Variants in GNB4 observed in about 807,000 individuals in gnomAD.
GNB4 encodes G protein subunit beta 4, also known as guanine nucleotide-binding protein subunit beta-4.
GNB4 carries 28 observed loss-of-function variants against 45.2 expected under a neutral mutation model. The observed-to-expected ratio is 0.62, with a 90% confidence interval of 0.46 to 0.85. GNB4 has a LOEUF of 0.85. Among genes scored for constraint, GNB4 ranks in the 40% least tolerant of loss-of-function variants. GNB4 has a pLI of 0.00. For synonymous variants in GNB4, 132 were observed against 143.7 expected (o/e 0.92, Z 0.58); for missense variants, 321 against 425.4 (o/e 0.75, Z 2.16).
chr3:179,423,817 G>C (rs930720806), intron 2 of GNB4, among the ~76,000 whole-genome samples: 2 of 151,892 alleles, frequency 1.3e-5, no homozygotes, highest in Non-Finnish European at 2.9e-5. Context: ...TCCAAGTGGA[G>C]GGCTCTTGGA....
the GNB4 span, among the ~76,000 whole-genome samples, chr3:179,466,952 AAGG>A: frequency 1.3e-5 from 2 of 152,228 alleles, no homozygotes; most frequent in African/African-American, 4.8e-5. Flanking sequence ...CTGAAATGTT[AAGG>A]GTGGATTTTT....
chr3:179,521,996 C>A, the GNB4 span, among the ~76,000 whole-genome samples: 1 of 152,128 alleles, frequency 6.6e-6, no homozygotes, highest in African/African-American at 2.4e-5. Context: ...CATTCTCTCT[C>A]CATACCACCC....
At chr3:179,498,774 T>TGAC in the GNB4 span, among the ~76,000 whole-genome samples, 1 of 121,086 alleles carries the variant, frequency 8.3e-6, no homozygotes, top group African/African-American at 4.1e-5. Flanking sequence ...TTTTGCCTCT[T>TGAC]TCTTTATTAT....
chr3:179,511,288 A>G, the GNB4 span, among the ~76,000 whole-genome samples: 1 of 152,174 alleles, frequency 6.6e-6, no homozygotes, highest in Non-Finnish European at 1.5e-5. Flanking sequence ...TCTCACTATA[A>G]GGGCACCATG....
At chr3:179,430,620 ATTT>A (rs34316813) in intron 1 of GNB4, among the ~76,000 whole-genome samples, 2 of 135,778 alleles carry the variant, frequency 1.5e-5, no homozygotes, top group Non-Finnish European at 1.6e-5. Flanking sequence ...TGCCTGGCTA[ATTT>A]TTTTTTTTTT....
At chr3:179,433,740 G>C (rs1186185830) in intron 1 of GNB4, among the ~76,000 whole-genome samples, 2 of 149,554 alleles carry the variant, frequency 1.3e-5, no homozygotes, top group East Asian at 1.9e-4. Context: ...AGAAAAGATA[G>C]TTGTAAGCTA....
the GNB4 span, among the ~76,000 whole-genome samples, chr3:179,456,944 A>T: frequency 6.6e-6 from 1 of 152,192 alleles, no homozygotes; most frequent in Non-Finnish European, 1.5e-5. Context: ...TAGTTTTCTG[A>T]TGGAAACGAT....
At chr3:179,467,210 A>G in the GNB4 span, among the ~76,000 whole-genome samples, 1 of 152,038 alleles carries the variant, frequency 6.6e-6, no homozygotes, top group Non-Finnish European at 1.5e-5. Context: ...AGATGGGCTC[A>G]CTATGTTGCC....
At chr3:179,453,861 A>G (rs1302792522), upstream of GNB4, among the ~76,000 whole-genome samples, 1 of 152,094 alleles carries the variant, frequency 6.6e-6, no homozygotes, top group Non-Finnish European at 1.5e-5. Context: ...AAAAAAAAAA[A>G]AAACTTACTT....
intron 1 of GNB4, among the ~76,000 whole-genome samples, chr3:179,445,039 A>G (rs1214930157): frequency 1.3e-5 from 2 of 152,218 alleles, no homozygotes; most frequent in Non-Finnish European, 2.9e-5. Context: ...CCATTAAAAA[A>G]AAAAATTAAA....
At chr3:179,483,896 T>G in the GNB4 span, among the ~76,000 whole-genome samples, 3 of 152,274 alleles carry the variant, frequency 2.0e-5, no homozygotes, top group South Asian at 6.2e-4. Context: ...TTTGACAAAT[T>G]TTATTACAAT....
At chr3:179,491,184 A>T in the GNB4 span, among the ~76,000 whole-genome samples, 1 of 152,244 alleles carries the variant, frequency 6.6e-6, no homozygotes, top group South Asian at 2.1e-4. Context: ...TTTTACAAAG[A>T]TGAATAAGAA....
chr3:179,494,295 G>GAA, the GNB4 span, among the ~76,000 whole-genome samples: 1 of 145,194 alleles, frequency 6.9e-6, no homozygotes, highest in East Asian at 3.1e-4. Context: ...AAGAAAGAAA[G>GAA]AGAGAGGAAG....
chr3:179,482,799 T>G, the GNB4 span, among the ~76,000 whole-genome samples: 1 of 152,324 alleles, frequency 6.6e-6, no homozygotes, highest in South Asian at 2.1e-4. Context: ...ATGGGTCACT[T>G]ATGGCAGGTG....
chr3:179,433,704 CA>C (rs796319109), intron 1 of GNB4, among the ~76,000 whole-genome samples: 59 of 133,730 alleles, frequency 4.4e-4, no homozygotes, highest in Middle Eastern at 3.8e-3. Context: ...AACAAAACAC[CA>C]AAAAAAAAAA....
At chr3:179,488,880 C>T in the GNB4 span, among the ~76,000 whole-genome samples, 476 of 147,262 alleles carry the variant, frequency 3.2e-3, 2 homozygotes, top group African/African-American at 0.011. Flanking sequence ...GCTACTTGGG[C>T]GACTGACGCA....
At chr3:179,512,701 A>C in the GNB4 span, among the ~76,000 whole-genome samples, 2 of 152,226 alleles carry the variant, frequency 1.3e-5, no homozygotes, top group South Asian at 4.1e-4. Context: ...AGAGTAAAAA[A>C]ACTAACAATA....
the GNB4 span, among the ~76,000 whole-genome samples, chr3:179,515,626 C>A: frequency 1.6e-4 from 24 of 152,062 alleles, no homozygotes; most frequent in African/African-American, 5.6e-4. Context: ...TTGCTTCAGG[C>A]CATCTGGATG....
rs527709383 is a variant in GNB4 at position 179,425,221 on chromosome 3, T to C, written c.57+923A>G. Among the ~76,000 whole-genome samples, 4 of 152,268 alleles carry C rather than the reference T, an allele frequency of 2.6e-5. No homozygotes were observed. In the East Asian group the frequency reaches 7.7e-4, roughly 29 times the overall value. On this transcript the variant is annotated intron_variant, in intron 2 of 9. Coordinates refer to ENST00000232564, the MANE Select transcript of GNB4 (RefSeq NM_021629.4). ...AAGTCCAAGGAAGCATCTGTTCCCA[T>C]TGTTCCAAAGAAGGGACCGTGGTGC... is the stretch of plus-strand genomic sequence containing the variant.
Sources: allele counts gnomAD v4.1 joint callset (sites outside exome capture counted in the v4.1 genomes callset), GRCh38; gene constraint gnomAD v4.1.1; transcripts MANE v1.5; gene names NCBI Gene and HGNC (gene_info 2026-07-23, HGNC 2026-07-21).